SUGCT: variants seen among roughly 807,000 people sequenced by gnomAD.
SUGCT encodes the protein succinyl-CoA:glutarate CoA-transferase.
SUGCT carries 41 observed loss-of-function variants against 55.0 expected under a neutral mutation model. That is an observed-to-expected ratio of 0.74 (90% CI 0.58 to 0.97). SUGCT has a LOEUF of 0.97. Ranked by LOEUF, SUGCT falls within the 50% of genes least tolerant of loss-of-function variation. The pLI is 0.00. For synonymous variants in SUGCT, 187 were observed against 200.4 expected (o/e 0.93, Z 0.56); for missense variants, 568 against 547.8 (o/e 1.04, Z -0.37).
chr7:40,845,146 C>G (rs1446539756), intron 13 of SUGCT, among the ~76,000 whole-genome samples: 1 of 151,786 alleles, frequency 6.6e-6, no homozygotes, highest in Non-Finnish European at 1.5e-5. Context: ...ACACAATGAA[C>G]AAAACATTAA....
chr7:40,470,335 C>G (rs1182989807), intron 11 of SUGCT, among the ~76,000 whole-genome samples: 1 of 152,100 alleles, frequency 6.6e-6, no homozygotes, highest in Non-Finnish European at 1.5e-5. Context: ...CCAGCATGGA[C>G]TTTGCTTGAG....
intron 12 of SUGCT, among the ~76,000 whole-genome samples, chr7:40,504,843 T>C (rs895947390): frequency 1.6e-4 from 24 of 152,208 alleles, no homozygotes; most frequent in Admixed American, 1.5e-3. Flanking sequence ...AAAGAGATTA[T>C]TTATAAATTC....
At chr7:40,716,117 T>C (rs11975973) in intron 12 of SUGCT, among the ~76,000 whole-genome samples, 3 of 152,162 alleles carry the variant, frequency 2.0e-5, no homozygotes, top group African/African-American at 7.2e-5. Flanking sequence ...ATTGATGAGC[T>C]GGGTGGGGAA....
chr7:40,189,668 T>C, intron 5 of SUGCT, 74 bp downstream of exon 5: 3 of 768,732 alleles, frequency 3.9e-6, no homozygotes, highest in Non-Finnish European at 3.9e-6. Context: ...AGCAAAAGTG[T>C]TTTAAAACTC....
chr7:40,665,476 T>TAAATAAATAAAG (rs1801576648), intron 12 of SUGCT, among the ~76,000 whole-genome samples: 1 of 149,626 alleles, frequency 6.7e-6, no homozygotes, highest in Non-Finnish European at 1.5e-5. Flanking sequence ...AATAAATAAA[T>TAAATAAATAAAG]AAAGTACTGG....
intron 12 of SUGCT, among the ~76,000 whole-genome samples, chr7:40,628,508 A>G (rs1391713077): frequency 6.6e-6 from 1 of 152,228 alleles, no homozygotes; most frequent in Non-Finnish European, 1.5e-5. Flanking sequence ...CCCTCTGGCC[A>G]GATGAGAGCA....
At chr7:40,937,125 A>G in the SUGCT span, among the ~76,000 whole-genome samples, 6 of 152,146 alleles carry the variant, frequency 3.9e-5, no homozygotes, top group Non-Finnish European at 4.4e-5. Context: ...GTGCTATTCA[A>G]GTCAACTATT....
chr7:40,807,169 A>G (rs1207123168), intron 13 of SUGCT, among the ~76,000 whole-genome samples: 1 of 152,228 alleles, frequency 6.6e-6, no homozygotes, highest in Non-Finnish European at 1.5e-5. Context: ...AGAATCATTA[A>G]GAAGTTATAG....
the SUGCT span, among the ~76,000 whole-genome samples, chr7:40,936,827 A>T: frequency 6.6e-6 from 1 of 151,878 alleles, no homozygotes; most frequent in Admixed American, 6.6e-5. Context: ...AGCTGTTTTT[A>T]AGTTTTTCTT....
At chr7:40,996,865 G>A in the SUGCT span, among the ~76,000 whole-genome samples, 1 of 152,126 alleles carries the variant, frequency 6.6e-6, no homozygotes, top group Non-Finnish European at 1.5e-5. Context: ...TCAATTTATA[G>A]CCACCTGTAA....
chr7:41,008,782 T>C, the SUGCT span, among the ~76,000 whole-genome samples: 143 of 152,044 alleles, frequency 9.4e-4, no homozygotes, highest in African/African-American at 3.3e-3. Context: ...TGCACACCTC[T>C]CCTGCCCTCT....
At chr7:40,404,554 A>C (rs1216235349) in intron 9 of SUGCT, among the ~76,000 whole-genome samples, 1 of 151,918 alleles carries the variant, frequency 6.6e-6, no homozygotes, top group Non-Finnish European at 1.5e-5. Context: ...CTCCTGCCTC[A>C]GCCTCCCTAG....
At chr7:40,451,138 C>T (rs974520484) in intron 10 of SUGCT, among the ~76,000 whole-genome samples, 5 of 152,146 alleles carry the variant, frequency 3.3e-5, no homozygotes, top group South Asian at 4.1e-4. Context: ...TTTGCGTACT[C>T]TAACTGCAGA....
chr7:40,446,178 G>T, intron 9 of SUGCT, among the ~76,000 whole-genome samples: 1 of 152,102 alleles, frequency 6.6e-6, no homozygotes, highest in East Asian at 1.9e-4. Flanking sequence ...GTTGGCGGCT[G>T]CAGGGAAAAA....
intron 7 of SUGCT, among the ~76,000 whole-genome samples, chr7:40,262,639 TG>T (rs1197622880): frequency 6.6e-6 from 1 of 151,950 alleles, no homozygotes; most frequent in African/African-American, 2.4e-5. Context: ...CACTCCAGCC[TG>T]GGCGACAGAG....
intron 11 of SUGCT, among the ~76,000 whole-genome samples, chr7:40,486,722 T>TC (rs1791374675): frequency 7.2e-6 from 1 of 139,020 alleles, no homozygotes; most frequent in Admixed American, 7.2e-5. Context: ...TTTTCTTCCT[T>TC]CCTTTTTTTT....
At chr7:40,787,791 A>G (rs1287568210) in intron 13 of SUGCT, among the ~76,000 whole-genome samples, 1 of 151,872 alleles carries the variant, frequency 6.6e-6, no homozygotes, top group Non-Finnish European at 1.5e-5. Context: ...GAAACACCAC[A>G]GGAAAAAACG....
At chr7:40,915,870 G>GT in the SUGCT span, among the ~76,000 whole-genome samples, 69 of 152,280 alleles carry the variant, frequency 4.5e-4, no homozygotes, top group Admixed American at 7.9e-4. Flanking sequence ...ATCGCACCCT[G>GT]TTTTTTTGGT....
At chr7:40,452,237 C>G (rs1470736754) in intron 10 of SUGCT, among the ~76,000 whole-genome samples, 2 of 152,298 alleles carry the variant, frequency 1.3e-5, no homozygotes, top group East Asian at 3.9e-4. Context: ...CTTAATGTTC[C>G]TTACCATGAT....
Sources: allele counts gnomAD v4.1 joint callset (sites outside exome capture counted in the v4.1 genomes callset), GRCh38; gene constraint gnomAD v4.1.1; transcripts MANE v1.5; gene names NCBI Gene and HGNC (gene_info 2026-07-23, HGNC 2026-07-21).